POLR1B: variants seen among roughly 807,000 people sequenced by gnomAD.
POLR1B encodes the protein DNA-directed RNA polymerase I subunit RPA2.
POLR1B carries 30 observed loss-of-function variants against 105.8 expected under a neutral mutation model. The observed-to-expected ratio is 0.28, with a 90% confidence interval of 0.21 to 0.38. POLR1B has a LOEUF of 0.38. POLR1B is among the 10% of genes least tolerant of loss of function. The pLI is 1.00. For synonymous variants in POLR1B, 485 were observed against 505.1 expected (o/e 0.96, Z 0.53); for missense variants, 976 against 1,435.8 (o/e 0.68, Z 5.17).
chr2:112,575,896 T>C lies in POLR1B; in HGVS notation c.*167T>C. On this transcript the variant is annotated 3_prime_UTR_variant, in exon 15 of 15. Coordinates refer to ENST00000263331, the MANE Select transcript of POLR1B (RefSeq NM_019014.6). The surrounding 1 kb of genome is among the most constrained non-coding windows in gnomAD (Gnocchi z 5.3). Reference sequence around the variant, plus strand: ...ATGCAAGGTTTCTGAATCTCTCTGGTAGATTAACTATTGACAATGATTTTC... The same window carrying C: ...ATGCAAGGTTTCTGAATCTCTCTGGCAGATTAACTATTGACAATGATTTTC... The C allele has an allele frequency of 3.1e-6, 2 of 636,026 alleles. No individual in the cohort carries two copies. The highest frequency in any genetic ancestry group is 5.3e-6 in the Non-Finnish European group (2 of 377,948). The allele number at this position is 636,026 out of a possible 1,614,324, so 39.4% of individuals were successfully genotyped here.
In POLR1B at chr2:112,559,329, T is replaced by C; in HGVS notation, c.1367T>C (p.Val456Ala). 1 of 1,614,208 alleles carries C rather than the reference T, an allele frequency of 6.2e-7. No homozygotes were observed. The highest frequency in any genetic ancestry group is 8.5e-7 in the Non-Finnish European group (1 of 1,180,034). Residue 456 changes from valine (V) to alanine (A), a missense_variant, in exon 9 of 15, where the codon GTG (valine) becomes GCG (alanine). Coordinates refer to ENST00000263331, the MANE Select transcript of POLR1B (RefSeq NM_019014.6). ...GLLQDSGLCVVADKLNFIRYL... is the reference protein window; with the variant it reads ...GLLQDSGLCVAADKLNFIRYL... ...CTACAAGATTCTGGACTTTGTGTTG[T>C]GGCTGACAAGCTGAACTTCATACGC...
chr2:112,554,233 A>G (rs1322755516), intron 7 of POLR1B, among the ~76,000 whole-genome samples: 1 of 151,982 alleles, frequency 6.6e-6, no homozygotes, highest in African/African-American at 2.4e-5. Flanking sequence ...CCCGGGTTCA[A>G]ACAATTCTCC....
At chr2:112,544,404 C>T (rs1389504618) in intron 1 of POLR1B, among the ~76,000 whole-genome samples, 1 of 152,118 alleles carries the variant, frequency 6.6e-6, no homozygotes, top group East Asian at 1.9e-4. Context: ...TGCATTCCAG[C>T]CTGGGTGACA....
intron 12 of POLR1B, among the ~76,000 whole-genome samples, chr2:112,569,517 T>C (rs765445982): frequency 3.3e-5 from 5 of 152,174 alleles, no homozygotes; most frequent in Non-Finnish European, 7.4e-5. Flanking sequence ...TTAGTCTCTG[T>C]CATTTCTAGT....
chr2:112,546,379 T>G (rs1683040861), intron 1 of POLR1B, among the ~76,000 whole-genome samples: 1 of 152,112 alleles, frequency 6.6e-6, no homozygotes, highest in Non-Finnish European at 1.5e-5. Flanking sequence ...AAGTTAAGAA[T>G]ACACAAGGCT....
At chr2:112,570,854 C>G (rs1275225424) in intron 12 of POLR1B, among the ~76,000 whole-genome samples, 1 of 150,710 alleles carries the variant, frequency 6.6e-6, no homozygotes, top group Non-Finnish European at 1.5e-5. Context: ...TCTTGGCTCA[C>G]TGCAACCTCT....
chr2:112,575,227 C>G lies in POLR1B; in HGVS notation c.2906C>G (p.Ala969Gly). ...TACTTTGGTGAGATGTTAAAGGCTG[C>G]TGGCTACAATTTCTATGGCACCGAG... ...LEYFGEMLKAAGYNFYGTERL... is the reference protein window; with the variant it reads ...LEYFGEMLKAGGYNFYGTERL... Residue 969 changes from alanine (A) to glycine (G), a missense_variant, in exon 15 of 15, where the codon GCT becomes GGT. Around this residue, in one of 12 missense-constraint regions of POLR1B, gnomAD observed 40 missense variants for 49.6 expected, o/e 0.81. Transcript: ENST00000263331. The surrounding 1 kb of genome is among the most constrained non-coding windows in gnomAD (Gnocchi z 5.3). The G allele has an allele frequency of 6.2e-7, 1 of 1,614,134 alleles. No homozygotes were observed. Among genetic ancestry groups the G allele is most frequent in the South Asian group, 1.1e-5 (1 of 91,080 alleles).
At chr2:112,556,744 C>G (rs578051914) in intron 7 of POLR1B, among the ~76,000 whole-genome samples, 1 of 152,186 alleles carries the variant, frequency 6.6e-6, no homozygotes. Flanking sequence ...CTCAAACATT[C>G]TCTTAGGTAT....
chr2:112,555,736 G>A (rs1045109891), intron 7 of POLR1B, among the ~76,000 whole-genome samples: 4 of 152,162 alleles, frequency 2.6e-5, no homozygotes, highest in Admixed American at 1.3e-4. Context: ...GGGAAAATTG[G>A]GGCTTTTTCA....
Position 112,577,815 on chromosome 2 carries a change from G to A in POLR1B, c.*2086G>A, listed in dbSNP as rs1221437312. ...CCACCACACTCCAGCCTGGGCGACA[G>A]AATGAGACCCTGTCTCAAAAAAAAA... On this transcript the variant is annotated 3_prime_UTR_variant, in exon 15 of 15. Transcript: ENST00000263331. Among the ~76,000 whole-genome samples, 1 of 114,936 alleles carries A rather than the reference G, an allele frequency of 8.7e-6. No homozygotes were observed. Among genetic ancestry groups the A allele is most frequent in the African/African-American group, 3.4e-5 (1 of 29,380 alleles). The allele number at this position is 114,936 out of a possible 152,430, so 75.4% of individuals were successfully genotyped here.
At chr2:112,554,706 T>C (rs9308673) in intron 7 of POLR1B, 121,351 of 152,070 alleles carry the variant, frequency 0.8, 48,602 homozygotes, top group Middle Eastern at 0.88. Flanking sequence ...AATGTGTCTT[T>C]ATTCCACATC....
intron 12 of POLR1B, among the ~76,000 whole-genome samples, chr2:112,572,077 T>TACAC (rs1445623625): frequency 6.6e-6 from 1 of 152,236 alleles, no homozygotes; most frequent in Admixed American, 6.5e-5. Flanking sequence ...TACTGTGAGG[T>TACAC]AGTACACAGA....
At chr2:112,544,989 C>T (rs374712743) in intron 1 of POLR1B, among the ~76,000 whole-genome samples, 5 of 152,196 alleles carry the variant, frequency 3.3e-5, no homozygotes, top group African/African-American at 1.2e-4. Flanking sequence ...TGTCCATTTT[C>T]CCAGCTGAGA....
intron 1 of POLR1B, among the ~76,000 whole-genome samples, chr2:112,545,183 T>G (rs1362109577): frequency 1.3e-5 from 2 of 152,224 alleles, no homozygotes; most frequent in Admixed American, 6.5e-5. Flanking sequence ...ACAAGAAGGC[T>G]GTGCTGTGCC....
intron 7 of POLR1B, chr2:112,553,292 T>G (rs1284963551): frequency 6.6e-6 from 1 of 152,320 alleles, no homozygotes; most frequent in Non-Finnish European, 1.5e-5. Context: ...CAGCTCATAC[T>G]ATAAAGAGGG....
At chr2:112,550,570 G>A in intron 4 of POLR1B, 1 of 366,278 alleles carries the variant, frequency 2.7e-6, no homozygotes, top group African/African-American at 2.0e-5. Flanking sequence ...AGACTCCACA[G>A]TTTAAGGCAG....
chr2:112,573,788 C>T lies in POLR1B; in HGVS notation c.2498C>T (p.Thr833Ile). Residue 833 changes from threonine to isoleucine, a missense_variant, in exon 14 of 15, where the codon ACC (threonine) becomes ATC (isoleucine). Coordinates refer to ENST00000263331, the MANE Select transcript of POLR1B (RefSeq NM_019014.6). ...DPYYSYLNLN[T>I]GESFVMYYKS... is the part of the protein sequence containing the mutation. The stretch of plus-strand genomic sequence containing the variant: ...TATTACAGCTACCTCAACCTCAACA[C>T]CGGGGAAAGTTTTGTGATGTACTAT... The T allele has an allele frequency of 6.2e-7, 1 of 1,614,048 alleles. No individual in the cohort carries two copies. Among genetic ancestry groups the T allele is most frequent in the Non-Finnish European group, 8.5e-7 (1 of 1,179,932 alleles).
In POLR1B at chr2:112,579,316, A is replaced by C; in HGVS notation, c.*3587A>C. ...ACATAAGTTTCATTTCCCTGGGACAAGTGTTCAAGACTGGGATTGCTGGGT... is the reference window on the plus strand; with the variant it reads ...ACATAAGTTTCATTTCCCTGGGACACGTGTTCAAGACTGGGATTGCTGGGT... On this transcript the variant is annotated 3_prime_UTR_variant, in exon 15 of 15. Coordinates refer to ENST00000263331, the MANE Select transcript of POLR1B (RefSeq NM_019014.6). Among the ~76,000 whole-genome samples, 1 of 151,446 alleles carries C rather than the reference A, an allele frequency of 6.6e-6. No individual in the cohort carries two copies. Among genetic ancestry groups the C allele is most frequent in the East Asian group, 1.9e-4 (1 of 5,158 alleles).
chr2:112,571,935 T>C (rs1221213637), intron 12 of POLR1B, among the ~76,000 whole-genome samples: 1 of 152,242 alleles, frequency 6.6e-6, no homozygotes, highest in East Asian at 1.9e-4. Flanking sequence ...CTGCGTCTCA[T>C]ACTTATGTGT....
Sources: allele counts gnomAD v4.1 joint callset (sites outside exome capture counted in the v4.1 genomes callset), GRCh38; gene constraint gnomAD v4.1.1; regional missense constraint gnomAD v4.1.1; non-coding constraint Gnocchi (gnomAD v3.1); transcripts MANE v1.5; gene names NCBI Gene and HGNC (gene_info 2026-07-23, HGNC 2026-07-21).